PBRM1: variants seen among roughly 807,000 people sequenced by gnomAD.
PBRM1 encodes polybromo 1.
PBRM1 carries 27 observed loss-of-function variants against 194.5 expected under a neutral mutation model. The ratio of observed to expected loss-of-function variants is 0.14; its 90% CI spans 0.10 to 0.19. The LOEUF (loss-of-function observed/expected upper bound fraction) is 0.19. Ranked by LOEUF, PBRM1 falls within the 10% of genes least tolerant of loss-of-function variation. The pLI is 1.00. For missense variants in PBRM1, 1,466 were observed against 2,077.2 expected (o/e 0.71, Z 5.72); for synonymous variants, 655 against 693.2 (o/e 0.94, Z 0.87).
At chr3:52,653,686 C>A (rs2096553913) in intron 5 of PBRM1, among the ~76,000 whole-genome samples, 2 of 151,604 alleles carry the variant, frequency 1.3e-5, no homozygotes, top group South Asian at 4.2e-4. Flanking sequence ...CCGAGACGGG[C>A]AGATCACGAG....
intron 10 of PBRM1, among the ~76,000 whole-genome samples, chr3:52,637,432 G>C (rs1288199162): frequency 6.6e-6 from 1 of 152,054 alleles, no homozygotes; most frequent in Non-Finnish European, 1.5e-5. Context: ...AGGCGTTTGA[G>C]ACCAGTATGG....
At chr3:52,634,247 G>A (rs2095716195) in intron 11 of PBRM1, among the ~76,000 whole-genome samples, 1 of 151,968 alleles carries the variant, frequency 6.6e-6, no homozygotes, top group African/African-American at 2.4e-5. Context: ...GACCATCCTG[G>A]CCAAAGTGGT....
intron 21 of PBRM1, 33 bp downstream of exon 23, chr3:52,579,021 C>T (rs2090413223): frequency 6.2e-7 from 1 of 1,610,626 alleles, no homozygotes; most frequent in African/African-American, 1.3e-5. Context: ...TTCTCAGATT[C>T]AACCTCATCT....
intron 5 of PBRM1, 35 bp downstream of exon 6, chr3:52,658,164 A>T: frequency 2.1e-6 from 2 of 946,548 alleles, no homozygotes; most frequent in Non-Finnish European, 3.5e-6. Flanking sequence ...AAAACAAAAC[A>T]CTGACATGTA....
At position 52,612,905 on chromosome 3, in the gene PBRM1, C is replaced by CAAA. The variant is rs576855027; in HGVS notation, c.1924+2443_1924+2445dup. On this transcript the variant is annotated intron_variant, in intron 15 of 29. Transcript: ENST00000296302. ...TGGGCAACAGAGTGAGAATCCGTCT[C>CAAA]AAAAAAAAAAAAAAAAAGAGTATAA... 3.5e-5 allele frequency among the ~76,000 whole-genome samples: 3 copies of CAAA among 85,380 alleles called. No individual in the cohort carries two copies. In the South Asian group the frequency reaches 1.3e-3, roughly 38 times the overall value. The allele number at this position is 85,380 out of a possible 152,430, so 56.0% of individuals were successfully genotyped here.
intron 10 of PBRM1, among the ~76,000 whole-genome samples, chr3:52,636,092 C>T (rs1365305370): frequency 1.3e-5 from 2 of 151,848 alleles, no homozygotes; most frequent in Admixed American, 6.6e-5. Flanking sequence ...AGGATGGTCT[C>T]GATCTCCTGA....
chr3:52,609,173 C>T lies in PBRM1; in HGVS notation c.2567+140G>A, dbSNP rs561363584. ...TATACTCACTCTTAAGAAGTTCTGG[C>T]TGATTAGAATTCAGAATAGCATGCT... On this transcript the variant is annotated intron_variant, in intron 16 of 29. Transcript: ENST00000296302. The surrounding 1 kb of genome is among the most constrained non-coding windows in gnomAD (Gnocchi z 4.1). 8.8e-6 allele frequency: 6 copies of T among 683,150 alleles called. 1 individual carries two copies. In the South Asian group the frequency reaches 9.7e-5, roughly 11 times the overall value. 42.3% of individuals were successfully genotyped at this position (683,150 alleles called of 1,614,324 possible).
chr3:52,577,737 A>G (rs1292851314), intron 21 of PBRM1, among the ~76,000 whole-genome samples: 3 of 152,196 alleles, frequency 2.0e-5, no homozygotes, highest in Admixed American at 2.0e-4. Flanking sequence ...CCTGGTCTGA[A>G]GCATGATTGT....
chr3:52,685,145 C>T (rs1402731413), intron 1 of PBRM1, among the ~76,000 whole-genome samples: 2 of 152,112 alleles, frequency 1.3e-5, no homozygotes, highest in African/African-American at 4.8e-5. Context: ...TTTTTCAGGG[C>T]TTTTTCTATA....
At chr3:52,594,197 T>G (rs2093362281) in intron 17 of PBRM1, among the ~76,000 whole-genome samples, 1 of 152,128 alleles carries the variant, frequency 6.6e-6, no homozygotes, top group South Asian at 2.1e-4. Context: ...TCTTTTTTTA[T>G]TGTGTGGGAG....
Position 52,652,818 on chromosome 3 carries a change from C to T in PBRM1, c.646-1008G>A, listed in dbSNP as rs529907288. ...TTCAAGACCAACCTGGCCAACATAGCGAAACCCTGTCTCCATTAAAAATAC... is the reference window on the plus strand; with the variant it reads ...TTCAAGACCAACCTGGCCAACATAGTGAAACCCTGTCTCCATTAAAAATAC... On this transcript the variant is annotated intron_variant, in intron 5 of 29. Transcript: ENST00000296302. Among the ~76,000 whole-genome samples the T allele has an allele frequency of 1.3e-4, 19 of 151,866 alleles. No homozygotes were observed. In the South Asian group the frequency reaches 3.5e-3, roughly 28 times the overall value.
intron 3 of PBRM1, among the ~76,000 whole-genome samples, chr3:52,667,158 C>T (rs1458594103): frequency 2.0e-5 from 3 of 152,066 alleles, no homozygotes; most frequent in Non-Finnish European, 2.9e-5. Flanking sequence ...AAAAATCAAT[C>T]CTAGCTGCAT....
intron 2 of PBRM1, among the ~76,000 whole-genome samples, chr3:52,669,805 T>A (rs1487971551): frequency 6.6e-6 from 1 of 152,216 alleles, no homozygotes; most frequent in African/African-American, 2.4e-5. Flanking sequence ...TTAGTGTTTG[T>A]TTCTCACAAA....
chr3:52,651,384 T>C (rs1369673506), intron 6 of PBRM1, among the ~76,000 whole-genome samples: 2 of 152,208 alleles, frequency 1.3e-5, no homozygotes, highest in Non-Finnish European at 2.9e-5. Flanking sequence ...TTACCCCATC[T>C]ACCCTGATGT....
chr3:52,608,938 T>C (rs1431339962), intron 16 of PBRM1: 3 of 188,258 alleles, frequency 1.6e-5, no homozygotes, highest in African/African-American at 2.4e-5. Flanking sequence ...TTAGAGCTAT[T>C]TTATTTAAAG....
chr3:52,618,789 T>C (rs2095117851), intron 13 of PBRM1, among the ~76,000 whole-genome samples: 1 of 151,936 alleles, frequency 6.6e-6, no homozygotes, highest in Non-Finnish European at 1.5e-5. Flanking sequence ...TTCACTCTTG[T>C]TGCCCAGGCT....
intron 2 of PBRM1, among the ~76,000 whole-genome samples, chr3:52,671,574 T>C (rs546569034): frequency 6.6e-6 from 1 of 152,242 alleles, no homozygotes; most frequent in Non-Finnish European, 1.5e-5. Flanking sequence ...CTTGTGCAAG[T>C]TCTCACCTAT....
chr3:52,649,980 A>T (rs1279081782), intron 6 of PBRM1, among the ~76,000 whole-genome samples: 1 of 152,126 alleles, frequency 6.6e-6, no homozygotes, highest in Non-Finnish European at 1.5e-5. Context: ...AGGATTATGA[A>T]AACATAATCC....
chr3:52,623,523 T>C (rs1010624032), intron 13 of PBRM1, among the ~76,000 whole-genome samples: 1 of 152,174 alleles, frequency 6.6e-6, no homozygotes, highest in African/African-American at 2.4e-5. Flanking sequence ...TTCCAATGAG[T>C]CTTCCCAGAC....
Sources: allele counts gnomAD v4.1 joint callset (sites outside exome capture counted in the v4.1 genomes callset), GRCh38; gene constraint gnomAD v4.1.1; non-coding constraint Gnocchi (gnomAD v3.1); transcripts MANE v1.5; gene names NCBI Gene and HGNC (gene_info 2026-07-23, HGNC 2026-07-21).